The following BMPR1B variants were observed in gnomAD, a reference collection of about 807,000 sequenced individuals.
BMPR1B encodes the protein bone morphogenetic protein receptor type 1B, also known as bone morphogenetic protein receptor type-1B.
A neutral mutation model predicts 59.1 loss-of-function variants in BMPR1B; 12 were observed. That is an observed-to-expected ratio of 0.20 (90% CI 0.13 to 0.33). The LOEUF (loss-of-function observed/expected upper bound fraction) is 0.33. BMPR1B is among the 10% of genes least tolerant of loss of function. The pLI is 1.00. For missense variants in BMPR1B, 550 were observed against 610.9 expected, an observed-to-expected ratio of 0.90 and a Z score of 1.05; for synonymous variants, 237 against 207.3, an observed-to-expected ratio of 1.14 and a Z score of -1.23.
At chr4:94,935,900 C>G (rs1230638155) in intron 2 of BMPR1B, among the ~76,000 whole-genome samples, 2 of 152,148 alleles carry the variant, frequency 1.3e-5, no homozygotes, top group Non-Finnish European at 2.9e-5. Flanking sequence ...TATGTTGCCT[C>G]TAACAGAGGA....
chr4:94,926,710 G>T (rs74693484), intron 2 of BMPR1B, among the ~76,000 whole-genome samples: 1 of 151,610 alleles, frequency 6.6e-6, no homozygotes, highest in African/African-American at 2.4e-5. Context: ...ATTTATAGGG[G>T]TGTGTGTGTG....
In BMPR1B at chr4:95,008,810, GA is replaced by G. The variant is rs140306658; in HGVS notation, c.-18+12678del. 3.5e-3 allele frequency among the ~76,000 whole-genome samples: 529 copies of G among 152,072 alleles called. 8 individuals carry two copies. Among genetic ancestry groups the G allele is most frequent in the Admixed American group, 0.024 (371 of 15,266 alleles). ...GTAAATTTGGTAAATATAAAAATAG[GA>G]ATTTCAAAAAGAGAAAATCCAAATA... On this transcript the variant is annotated intron_variant, in intron 3 of 12. Coordinates refer to ENST00000515059, the MANE Select transcript of BMPR1B (RefSeq NM_001203.3).
chr4:95,071,352 G>A (rs186069323), intron 3 of BMPR1B, among the ~76,000 whole-genome samples: 2 of 152,056 alleles, frequency 1.3e-5, no homozygotes, highest in East Asian at 3.9e-4. Flanking sequence ...ACTGCCCAAG[G>A]AAATTTATAG....
intron 3 of BMPR1B, among the ~76,000 whole-genome samples, chr4:95,052,421 A>G (rs1404833967): frequency 6.6e-6 from 1 of 152,230 alleles, no homozygotes; most frequent in Non-Finnish European, 1.5e-5. Context: ...TCAAATGAGA[A>G]AAAAGCTAAT....
chr4:95,128,815 C>A (rs1199290801), intron 8 of BMPR1B, among the ~76,000 whole-genome samples: 2 of 152,112 alleles, frequency 1.3e-5, no homozygotes, highest in Non-Finnish European at 1.5e-5. Flanking sequence ...ACTTGGCATT[C>A]TGTATCTCAG....
At chr4:95,148,019 A>G (rs911516487) in intron 10 of BMPR1B, among the ~76,000 whole-genome samples, 3 of 152,134 alleles carry the variant, frequency 2.0e-5, no homozygotes, top group South Asian at 4.1e-4. Flanking sequence ...AAGATGTTAT[A>G]TTCCATTATT....
At chr4:94,845,832 T>G (rs1432664372) in intron 1 of BMPR1B, among the ~76,000 whole-genome samples, 1 of 152,168 alleles carries the variant, frequency 6.6e-6, no homozygotes, top group African/African-American at 2.4e-5. Context: ...TATGTATCCT[T>G]TAAGAAGAAA....
At position 94,865,014 on chromosome 4, in the gene BMPR1B, C is replaced by CT. The variant is rs925242274; in HGVS notation, c.-182-10806dup. Among the ~76,000 whole-genome samples, 71 of 147,004 alleles carry CT rather than the reference C, an allele frequency of 4.8e-4. 1 individual carries two copies. Among genetic ancestry groups the CT allele is most frequent in the Admixed American group, 2.2e-3 (32 of 14,718 alleles). ...ATAATCTTCAAGTTTTTCTTTCTTTCTTTTTTTTTTTCTGAGATGGAGTCT... is the reference window on the plus strand; with the variant it reads ...ATAATCTTCAAGTTTTTCTTTCTTTCTTTTTTTTTTTTCTGAGATGGAGTCT... On this transcript the variant is annotated intron_variant, in intron 1 of 12. Transcript: ENST00000515059.
intron 1 of BMPR1B, among the ~76,000 whole-genome samples, chr4:94,862,986 T>C (rs1047327220): frequency 7.7e-6 from 1 of 129,160 alleles, no homozygotes; most frequent in Admixed American, 8.3e-5. Flanking sequence ...GGCATGGTGG[T>C]GGGCGCCTGT....
At chr4:94,964,593 A>G (rs1242506797) in intron 2 of BMPR1B, among the ~76,000 whole-genome samples, 1 of 152,194 alleles carries the variant, frequency 6.6e-6, no homozygotes, top group Non-Finnish European at 1.5e-5. Flanking sequence ...AATAAATCTC[A>G]TCAGAAGTAT....
At chr4:95,116,419 GCGCACACACA>G (rs1321305676) in intron 6 of BMPR1B, among the ~76,000 whole-genome samples, 5 of 51,102 alleles carry the variant, frequency 9.8e-5, no homozygotes, top group African/African-American at 4.2e-4. Context: ...CTTTCAGCGC[GCGCACACACA>G]CACACACACA....
intron 2 of BMPR1B, among the ~76,000 whole-genome samples, chr4:94,972,530 A>G (rs1730848112): frequency 6.6e-6 from 1 of 152,018 alleles, no homozygotes; most frequent in Non-Finnish European, 1.5e-5. Context: ...TGATTTTGTA[A>G]TACTCTTATG....
At chr4:94,983,764 C>T (rs1177451381) in intron 2 of BMPR1B, among the ~76,000 whole-genome samples, 2 of 152,228 alleles carry the variant, frequency 1.3e-5, no homozygotes, top group East Asian at 1.9e-4. Flanking sequence ...TCTCTGAGCT[C>T]AGTCTCCAGG....
At position 94,836,209 on chromosome 4, in the gene BMPR1B, G is replaced by A. The variant is rs975731949; in HGVS notation, c.-182-39622G>A. 2.3e-4 allele frequency among the ~76,000 whole-genome samples: 35 copies of A among 151,134 alleles called. No homozygotes were observed. In the East Asian group the frequency reaches 4.9e-3, roughly 21 times the overall value. ...AGTCTTTGCTATTGTGAATAGTGAC[G>A]CAATAAACATACATGTGCATGTGTC... On this transcript the variant is annotated intron_variant, in intron 1 of 12. Coordinates refer to ENST00000515059, the MANE Select transcript of BMPR1B (RefSeq NM_001203.3).
At chr4:94,790,070 G>C (rs1220820965) in intron 1 of BMPR1B, among the ~76,000 whole-genome samples, 1 of 152,062 alleles carries the variant, frequency 6.6e-6, no homozygotes, top group Non-Finnish European at 1.5e-5. Flanking sequence ...TTTGTTTTAA[G>C]AACACGGTAT....
chr4:94,832,737 C>T (rs1030333389), intron 1 of BMPR1B, among the ~76,000 whole-genome samples: 3 of 152,052 alleles, frequency 2.0e-5, no homozygotes, highest in Admixed American at 6.6e-5. Flanking sequence ...GAGCTGATGT[C>T]GTGCCACTGC....
intron 9 of BMPR1B, 143 bp downstream of exon 9, chr4:95,130,197 A>G (rs968166496): frequency 2.1e-5 from 21 of 991,212 alleles, no homozygotes; most frequent in South Asian, 4.3e-5. Context: ...CAAGAACATC[A>G]TAAGTTTCTA....
At chr4:94,980,469 A>C (rs1313977535) in intron 2 of BMPR1B, among the ~76,000 whole-genome samples, 1 of 152,142 alleles carries the variant, frequency 6.6e-6, no homozygotes, top group Non-Finnish European at 1.5e-5. Context: ...ATTCCCAGCC[A>C]AGGCCCCTCT....
rs1286285640 is a variant in BMPR1B, at chr4:94,983,605, ATTAAGCCTG to A, written c.-112-12431_-112-12423del. Among the ~76,000 whole-genome samples the A allele has an allele frequency of 2.0e-5, 3 of 152,208 alleles. No homozygotes were observed. In the East Asian group the frequency reaches 5.8e-4, roughly 29 times the overall value. On this transcript the variant is annotated intron_variant, in intron 2 of 12. Transcript: ENST00000515059. Reference sequence around the variant, plus strand: ...ATATGGAAAATTTAAGGGCAGTGATATTAAGCCTGTTACCACCACTTAAGGCCCTAACTC... The same window carrying A: ...ATATGGAAAATTTAAGGGCAGTGATATTACCACCACTTAAGGCCCTAACTC...
Sources: gnomAD v4.1 joint callset for allele counts (sites outside exome capture counted in the v4.1 genomes callset) on GRCh38, gnomAD v4.1.1 for gene constraint, MANE v1.5 for transcripts, NCBI Gene and HGNC (gene_info 2026-07-23, HGNC 2026-07-21) for gene names.